Variants in PEPD observed in about 807,000 individuals in gnomAD.
PEPD encodes the protein xaa-Pro dipeptidase.
Under a neutral mutation model 60.7 loss-of-function variants are expected in PEPD, and 53 were observed. That is an observed-to-expected ratio of 0.87 (90% CI 0.70 to 1.10). PEPD has a LOEUF of 1.10. Ranked by LOEUF, PEPD falls within the 50% of genes least tolerant of loss-of-function variation. The pLI is 0.00. For synonymous variants in PEPD, 267 were observed against 284.1 expected, an observed-to-expected ratio of 0.94 and a Z score of 0.60; for missense variants, 711 against 711.9, an observed-to-expected ratio of 1.00 and a Z score of 0.01.
chr19:33,478,090 C>A lies in PEPD; in HGVS notation c.504G>T (p.Lys168Asn). The stretch of plus-strand genomic sequence containing the variant: ...GAAGAATGGTATTGTTGACTTCGAA[C>A]CTGTAGGGCGAAAAGAAATCAAGCC... ...CREASFDGIS[K>N]FEVNNTILHP... The change falls in exon 7 of 15, where the codon AAG becomes AAT. Residue 168 changes from lysine to asparagine, a missense_variant and splice_region_variant. Lys to Asn is a moderately conservative substitution (Grantham distance 94). Transcript: ENST00000244137. 4 of 1,607,498 alleles carry A rather than the reference C, an allele frequency of 2.5e-6. No homozygotes were observed. The highest frequency in any genetic ancestry group is 2.6e-6 in the Non-Finnish European group (3 of 1,175,284).
Position 33,520,064 on chromosome 19 carries a change from CA to C in PEPD, c.17+1679del, listed in dbSNP as rs74174670. 4.4e-3 allele frequency among the ~76,000 whole-genome samples: 598 copies of C among 134,424 alleles called. 1 individual carries two copies. The highest frequency in any genetic ancestry group is 5.7e-3 in the Non-Finnish European group (360 of 62,700). 88.2% of individuals were successfully genotyped at this position (134,424 alleles called of 152,430 possible). A position where few individuals can be genotyped will look rare whatever the true frequency, so the allele number is the denominator to read the frequency against. On this transcript the variant is annotated intron_variant, in intron 1 of 14. Transcript: ENST00000244137. ...GGGCAACAAGAGCAAAACTACGTCT[CA>C]AAAAAAAAAAAAGAAAGAGAAAAAG...
At chr19:33,508,268 A>C (rs1475957631) in intron 3 of PEPD, among the ~76,000 whole-genome samples, 3 of 152,154 alleles carry the variant, frequency 2.0e-5, no homozygotes, top group African/African-American at 7.2e-5. Context: ...ACCCGGAGCC[A>C]AGGGTACCCT....
intron 6 of PEPD, among the ~76,000 whole-genome samples, chr19:33,486,397 G>C (rs1970397714): frequency 6.6e-6 from 1 of 151,948 alleles, no homozygotes; most frequent in Non-Finnish European, 1.5e-5. Context: ...GCCACACACG[G>C]AACTGCTGCC....
chr19:33,496,055 A>G (rs1970597025), intron 4 of PEPD, among the ~76,000 whole-genome samples: 1 of 152,118 alleles, frequency 6.6e-6, no homozygotes, highest in African/African-American at 2.4e-5. Context: ...CTCCTGAAGG[A>G]AGGGGAGACT....
At chr19:33,389,660 C>G (rs1479541397) in intron 13 of PEPD, among the ~76,000 whole-genome samples, 2 of 152,230 alleles carry the variant, frequency 1.3e-5, no homozygotes, top group African/African-American at 4.8e-5. Context: ...ATGGGCCCAC[C>G]CCGGCTGCTC....
chr19:33,507,778 T>C (rs564791872), intron 3 of PEPD, among the ~76,000 whole-genome samples: 11 of 152,172 alleles, frequency 7.2e-5, no homozygotes, highest in African/African-American at 1.9e-4. Flanking sequence ...CAGTCCCACA[T>C]AGTCAACCCC....
chr19:33,405,932 G>A (rs983058352), intron 11 of PEPD, among the ~76,000 whole-genome samples: 2 of 152,246 alleles, frequency 1.3e-5, no homozygotes, highest in African/African-American at 2.4e-5. Context: ...GGTGGGTGAC[G>A]GGAGCAGCTG....
chr19:33,429,411 C>T (rs748788725), intron 9 of PEPD, among the ~76,000 whole-genome samples: 3 of 152,144 alleles, frequency 2.0e-5, no homozygotes, highest in African/African-American at 7.2e-5. Context: ...AGTAATTACG[C>T]GGGGGCAGAA....
chr19:33,447,666 G>A (rs1399980863), intron 9 of PEPD, among the ~76,000 whole-genome samples: 2 of 152,210 alleles, frequency 1.3e-5, no homozygotes, highest in East Asian at 1.9e-4. Context: ...GCGAGAGGAC[G>A]GTGGCTGAGT....
rs1382208726 is a variant in PEPD at position 33,400,865 on chromosome 19, T to TA, written c.967+855_967+856insT. Among the ~76,000 whole-genome samples, 1,261 of 152,312 alleles carry TA rather than the reference T, an allele frequency of 8.3e-3. 19 individuals carry two copies. The highest frequency in any genetic ancestry group is 0.029 in the African/African-American group (1,213 of 41,572). Reference sequence around the variant, plus strand: ...TCCTGTGGGTGCTAGACTCCACCCCTGCCAGGGCTATGGAGGACCCAGGGG... The same window carrying TA: ...TCCTGTGGGTGCTAGACTCCACCCCTAGCCAGGGCTATGGAGGACCCAGGGG... On this transcript the variant is annotated intron_variant, in intron 12 of 14. Transcript: ENST00000244137.
intron 9 of PEPD, among the ~76,000 whole-genome samples, chr19:33,422,082 C>G (rs1209498562): frequency 6.6e-6 from 1 of 152,142 alleles, no homozygotes; most frequent in Non-Finnish European, 1.5e-5. Flanking sequence ...CCCCTTACTC[C>G]CCTGTCTTGT....
chr19:33,397,064 C>A (rs1054761939), intron 12 of PEPD, among the ~76,000 whole-genome samples: 15 of 152,170 alleles, frequency 9.9e-5, no homozygotes, highest in Admixed American at 6.5e-4. Context: ...CCCAACCTCC[C>A]GTGCATGGCA....
intron 6 of PEPD, among the ~76,000 whole-genome samples, chr19:33,488,858 C>G (rs999324255): frequency 2.0e-5 from 3 of 152,050 alleles, no homozygotes; most frequent in African/African-American, 7.2e-5. Flanking sequence ...CAGAGGACAA[C>G]AGAAGACATG....
At chr19:33,409,644 T>C (rs1480500862) in intron 11 of PEPD, among the ~76,000 whole-genome samples, 1 of 152,196 alleles carries the variant, frequency 6.6e-6, no homozygotes, top group East Asian at 1.9e-4. Flanking sequence ...CACTGCACTC[T>C]AGCCTGGGAG....
At position 33,521,750 on chromosome 19, in the gene PEPD, G is replaced by T; in HGVS notation, c.11C>A (p.Ala4Asp). ...AGGGAGGCGCAGCACTCACCCGGTG[G>T]CCGCCGCCATGTTCGCCCGGCACCG... The part of the protein sequence containing the change: MAA[A>D]TGPSFWLGNE... Residue 4 changes from alanine to aspartate, a missense_variant, in exon 1 of 15, where the codon GCC (alanine) becomes GAC (aspartate). Physicochemically the swap from Ala to Asp is moderately radical, Grantham distance 126 (BLOSUM62 -2). Coordinates refer to ENST00000244137, the MANE Select transcript of PEPD (RefSeq NM_000285.4). The T allele has an allele frequency of 1.3e-6, 2 of 1,576,800 alleles. No homozygotes were observed. The highest frequency in any genetic ancestry group is 2.7e-5 in the African/African-American group (2 of 74,382).
chr19:33,449,792 G>A (rs1383125422), intron 9 of PEPD, among the ~76,000 whole-genome samples: 1 of 152,206 alleles, frequency 6.6e-6, no homozygotes, highest in African/African-American at 2.4e-5. Flanking sequence ...ATCCCAGCGG[G>A]TGCCACGTTA....
chr19:33,407,477 C>T (rs1410553358), intron 11 of PEPD, among the ~76,000 whole-genome samples: 1 of 152,244 alleles, frequency 6.6e-6, no homozygotes, highest in East Asian at 1.9e-4. Flanking sequence ...TCCTGGCCAC[C>T]TCTGTGCTCA....
intron 9 of PEPD, among the ~76,000 whole-genome samples, chr19:33,449,664 C>T (rs1284886317): frequency 6.6e-6 from 1 of 152,110 alleles, no homozygotes; most frequent in African/African-American, 2.4e-5. Flanking sequence ...GGAGGAATTT[C>T]AAAGATGACC....
At chr19:33,395,672 G>A (rs563852698) in intron 12 of PEPD, among the ~76,000 whole-genome samples, 30 of 152,294 alleles carry the variant, frequency 2.0e-4, no homozygotes, top group African/African-American at 6.0e-4. Context: ...TCACAGCCCC[G>A]AGGCCTCCTA....
Sources: allele counts gnomAD v4.1 joint callset (sites outside exome capture counted in the v4.1 genomes callset), GRCh38; gene constraint gnomAD v4.1.1; transcripts MANE v1.5; gene names NCBI Gene and HGNC (gene_info 2026-07-23, HGNC 2026-07-21).